Variants in RGS6 observed in about 807,000 individuals in gnomAD.
RGS6 encodes regulator of G-protein signaling 6.
Under a neutral mutation model 78.5 loss-of-function variants are expected in RGS6, and 30 were observed. That is an observed-to-expected ratio of 0.38 (90% confidence interval 0.29 to 0.52). The LOEUF (loss-of-function observed/expected upper bound fraction) is 0.52. Among genes scored for constraint, RGS6 ranks in the 20% least tolerant of loss-of-function variants. The probability of loss-of-function intolerance (pLI) is 0.85; values close to 1 mark genes in which losing one functional copy is unlikely to be tolerated. For synonymous variants in RGS6, 206 were observed against 206.0 expected (o/e 1.00, Z 0.00); for missense variants, 495 against 609.7 (o/e 0.81, Z 1.98).
intron 2 of RGS6, among the ~76,000 whole-genome samples, chr14:72,062,805 C>T (rs1233975951): frequency 6.6e-6 from 1 of 152,132 alleles, no homozygotes; most frequent in Admixed American, 6.5e-5. Flanking sequence ...GATTTGAATC[C>T]ATGAGATTGG....
intron 2 of RGS6, among the ~76,000 whole-genome samples, chr14:72,188,479 T>TATCATC (rs34314181): frequency 1.3e-5 from 2 of 150,842 alleles, no homozygotes; most frequent in East Asian, 3.9e-4. Flanking sequence ...CTATAGCAGT[T>TATCATC]ATCATCATCA....
the RGS6 span, among the ~76,000 whole-genome samples, chr14:71,907,678 G>A: frequency 6.6e-6 from 1 of 152,108 alleles, no homozygotes; most frequent in Non-Finnish European, 1.5e-5. Flanking sequence ...ATGAGGGCCG[G>A]GGTGGGAAAG....
At chr14:72,607,152 A>G in the RGS6 span, among the ~76,000 whole-genome samples, 1 of 152,198 alleles carries the variant, frequency 6.6e-6, no homozygotes, top group Non-Finnish European at 1.5e-5. Context: ...CCAACAGAAC[A>G]TGGCACATCT....
downstream of RGS6, among the ~76,000 whole-genome samples, chr14:72,567,823 C>A (rs931061061): frequency 6.6e-6 from 1 of 152,222 alleles, no homozygotes; most frequent in African/African-American, 2.4e-5. Context: ...CCCTCCGCCA[C>A]CCTTCCTTCA....
chr14:71,873,227 A>G, the RGS6 span, among the ~76,000 whole-genome samples: 1 of 152,184 alleles, frequency 6.6e-6, no homozygotes, highest in Admixed American at 6.5e-5. Flanking sequence ...ACTGTCTTCC[A>G]CAATGGTTAA....
rs551494616 is a variant in RGS6, at chr14:72,271,571, A to G, written c.85-80524A>G. 3.9e-5 allele frequency among the ~76,000 whole-genome samples: 6 copies of G among 152,340 alleles called. No homozygotes were observed. In the South Asian group the frequency reaches 1.2e-3, roughly 32 times the overall value. ...AGTAGTCAAATGAGCCTGTGAGAGAATGGTGCCACATCTTTCCTGTAAGAG... is the reference window on the plus strand; with the variant it reads ...AGTAGTCAAATGAGCCTGTGAGAGAGTGGTGCCACATCTTTCCTGTAAGAG... On this transcript the variant is annotated intron_variant, in intron 2 of 17. Coordinates refer to ENST00000553525, the MANE Select transcript of RGS6 (RefSeq NM_001204424.2).
At chr14:72,297,481 A>T in intron 2 of RGS6, among the ~76,000 whole-genome samples, 1 of 150,948 alleles carries the variant, frequency 6.6e-6, no homozygotes. Context: ...TGTGCAGGTT[A>T]GTTACATATG....
rs201320955 is a variant in RGS6 at position 72,540,543 on chromosome 14, G to A, written c.1422+449G>A. On this transcript the variant is annotated intron_variant, in intron 17 of 17. Coordinates refer to ENST00000553525, the MANE Select transcript of RGS6 (RefSeq NM_001204424.2). ...CTCTGTGAACCCTGGCAGTCACGCC[G>A]GTGTGGGTCGCGAGCTAATGTTGCT... is the stretch of plus-strand genomic sequence containing the variant. The A allele has an allele frequency of 4.8e-5, 75 of 1,571,644 alleles. 1 individual carries two copies. The African/African-American group carries it at 5.1e-4, about 11-fold the overall frequency.
chr14:72,466,547 A>G (rs1342927593), intron 7 of RGS6, among the ~76,000 whole-genome samples: 1 of 152,280 alleles, frequency 6.6e-6, no homozygotes, highest in Non-Finnish European at 1.5e-5. Context: ...GAATACTACT[A>G]TGCAGTAAAA....
intron 3 of RGS6, among the ~76,000 whole-genome samples, chr14:72,440,339 C>A (rs1057020082): frequency 6.6e-6 from 1 of 151,970 alleles, no homozygotes; most frequent in Non-Finnish European, 1.5e-5. Context: ...TGCAAGCAGG[C>A]AGTTAAGATT....
chr14:72,325,876 CA>C, intron 2 of RGS6, among the ~76,000 whole-genome samples: 1 of 152,042 alleles, frequency 6.6e-6, no homozygotes, highest in East Asian at 1.9e-4. Context: ...TGACAAGGAT[CA>C]AAAAGTTTAA....
At chr14:72,385,253 G>C (rs994766347) in intron 3 of RGS6, among the ~76,000 whole-genome samples, 1 of 152,092 alleles carries the variant, frequency 6.6e-6, no homozygotes, top group Non-Finnish European at 1.5e-5. Flanking sequence ...CATCCTTTGC[G>C]GTTATCTCAA....
the RGS6 span, among the ~76,000 whole-genome samples, chr14:71,918,732 T>C: frequency 2.0e-5 from 3 of 152,238 alleles, no homozygotes; most frequent in Non-Finnish European, 4.4e-5. Flanking sequence ...TCATCCCTGG[T>C]ATGCAAGTCT....
chr14:72,560,654 CAA>C (rs1396670384), intron 17 of RGS6, among the ~76,000 whole-genome samples: 1 of 152,156 alleles, frequency 6.6e-6, no homozygotes, highest in Non-Finnish European at 1.5e-5. Flanking sequence ...TAGTGATTTT[CAA>C]AGACTGACAC....
At chr14:72,599,753 C>A in the RGS6 span, among the ~76,000 whole-genome samples, 1 of 151,902 alleles carries the variant, frequency 6.6e-6, no homozygotes, top group Non-Finnish European at 1.5e-5. Context: ...CCAGTCACAG[C>A]CCCTGATGAG....
At chr14:72,449,541 T>C (rs2095443250) in intron 3 of RGS6, among the ~76,000 whole-genome samples, 1 of 152,220 alleles carries the variant, frequency 6.6e-6, no homozygotes, top group Admixed American at 6.5e-5. Context: ...CCCTGAATTT[T>C]ATGAGTGTCT....
chr14:72,250,239 A>AT (rs1277158580), intron 2 of RGS6, among the ~76,000 whole-genome samples: 3 of 149,134 alleles, frequency 2.0e-5, no homozygotes, highest in East Asian at 2.1e-4. Context: ...TTAAACTATA[A>AT]TAAAAAAAAA....
At chr14:72,363,114 A>G (rs116356814) in intron 3 of RGS6, among the ~76,000 whole-genome samples, 1,821 of 152,328 alleles carry the variant, frequency 0.012, 31 homozygotes, top group African/African-American at 0.042. Context: ...ACCTAATAAT[A>G]TATTATAAAG....
intron 2 of RGS6, among the ~76,000 whole-genome samples, chr14:72,143,180 C>T (rs951496288): frequency 6.6e-6 from 1 of 152,064 alleles, no homozygotes; most frequent in African/African-American, 2.4e-5. Context: ...CCAGCCTGAC[C>T]AACATGACAA....
Sources: gnomAD v4.1 joint callset for allele counts (sites outside exome capture counted in the v4.1 genomes callset) on GRCh38, gnomAD v4.1.1 for gene constraint, MANE v1.5 for transcripts, NCBI Gene and HGNC (gene_info 2026-07-23, HGNC 2026-07-21) for gene names.